Variants in VRK2 observed in about 807,000 individuals in gnomAD.
VRK2 encodes serine/threonine-protein kinase VRK2.
Under a neutral mutation model 57.6 loss-of-function variants are expected in VRK2, and 60 were observed. The observed-to-expected ratio is 1.04, with a 90% CI of 0.85 to 1.29. The LOEUF (loss-of-function observed/expected upper bound fraction) is 1.29, where lower values mean the gene tolerates loss of function less well. Ranked by LOEUF, VRK2 falls within the 50% of genes most tolerant of loss-of-function variation. The probability of loss-of-function intolerance (pLI) is 0.00; values close to 1 mark genes in which losing one functional copy is unlikely to be tolerated. For missense variants in VRK2, 705 were observed against 588.1 expected (o/e 1.20, Z -2.06); for synonymous variants, 231 against 199.2 (o/e 1.16, Z -1.35).
At chr2:58,132,123 C>A in intron 9 of VRK2, 195 bp downstream of exon 9, 1 of 583,036 alleles carries the variant, frequency 1.7e-6, no homozygotes, top group South Asian at 2.6e-5. Context: ...TGTAAAAAGA[C>A]ATGTATTTGA....
intron 1 of VRK2, among the ~76,000 whole-genome samples, chr2:57,975,758 C>CTT (rs1000042113): frequency 4.1e-5 from 6 of 145,374 alleles, no homozygotes; most frequent in African/African-American, 1.5e-4. Flanking sequence ...TTCTCTCTCT[C>CTT]TTTTTTTTTT....
chr2:58,143,397 T>G (rs1303172924), intron 11 of VRK2, among the ~76,000 whole-genome samples: 1 of 151,940 alleles, frequency 6.6e-6, no homozygotes, highest in Non-Finnish European at 1.5e-5. Flanking sequence ...GAGAAAAAGT[T>G]TCACTGTGTT....
intron 1 of VRK2, among the ~76,000 whole-genome samples, chr2:57,930,224 C>T (rs552920782): frequency 2.6e-5 from 4 of 152,260 alleles, no homozygotes; most frequent in East Asian, 1.9e-4. Flanking sequence ...AAAGGCTTAT[C>T]GGAACTCAGG....
intron 1 of VRK2, among the ~76,000 whole-genome samples, chr2:57,964,837 A>G (rs916703064): frequency 7.7e-6 from 1 of 130,052 alleles, no homozygotes; most frequent in East Asian, 2.6e-4. Context: ...TCAATATTGC[A>G]CCACTGCACT....
Position 57,910,577 on chromosome 2 carries a change from T to A in VRK2, c.-439+2738T>A, listed in dbSNP as rs140804452. On this transcript the variant is annotated intron_variant, in intron 1 of 15. Transcript: ENST00000417641. ...CTTCTCTATTTACTAAATATTTGAC[T>A]TTTTTATCATTTGTTTATCTGAATG... Among the ~76,000 whole-genome samples, 1,508 of 152,282 alleles carry A rather than the reference T, an allele frequency of 9.9e-3. 25 individuals carry two copies. Among genetic ancestry groups the A allele is most frequent in the African/African-American group, 0.034 (1,429 of 41,550 alleles).
At chr2:58,065,502 C>T (rs1668482598) in intron 2 of VRK2, among the ~76,000 whole-genome samples, 1 of 152,090 alleles carries the variant, frequency 6.6e-6, no homozygotes, top group African/African-American at 2.4e-5. Context: ...GAATGTATCA[C>T]AGTTTGTGTA....
intron 2 of VRK2, among the ~76,000 whole-genome samples, chr2:58,065,553 A>G (rs1488481925): frequency 6.6e-6 from 1 of 152,114 alleles, no homozygotes; most frequent in Admixed American, 6.6e-5. Flanking sequence ...GATTCCTTCA[A>G]CTTTTTCTTC....
At chr2:57,995,542 A>C (rs1672897817) in intron 1 of VRK2, among the ~76,000 whole-genome samples, 1 of 152,214 alleles carries the variant, frequency 6.6e-6, no homozygotes, top group Non-Finnish European at 1.5e-5. Flanking sequence ...ACAGTTTGTC[A>C]GTCATTCTTT....
intron 12 of VRK2, among the ~76,000 whole-genome samples, chr2:58,159,044 G>A (rs984105523): frequency 3.9e-5 from 6 of 152,026 alleles, no homozygotes; most frequent in African/African-American, 1.2e-4. Context: ...GTTTTGCCAA[G>A]AAAATTCAGT....
At chr2:58,115,514 A>G (rs1676305723) in intron 7 of VRK2, among the ~76,000 whole-genome samples, 1 of 151,660 alleles carries the variant, frequency 6.6e-6, no homozygotes, top group Non-Finnish European at 1.5e-5. Flanking sequence ...CTGCATGCAG[A>G]CATGAGGGCT....
At chr2:58,091,395 A>T (rs1287225482) in intron 7 of VRK2, among the ~76,000 whole-genome samples, 6 of 152,160 alleles carry the variant, frequency 3.9e-5, no homozygotes, top group Admixed American at 2.6e-4. Context: ...ACTTCTCTAA[A>T]AAATATAGTC....
chr2:58,002,383 C>T (rs1401440072), intron 1 of VRK2, among the ~76,000 whole-genome samples: 3 of 151,918 alleles, frequency 2.0e-5, no homozygotes. Flanking sequence ...GAGGCTGAGG[C>T]AGAATTGCTT....
intron 7 of VRK2, among the ~76,000 whole-genome samples, chr2:58,100,573 A>T (rs964254567): frequency 2.0e-5 from 3 of 151,778 alleles, no homozygotes; most frequent in African/African-American, 7.2e-5. Flanking sequence ...AGACTTTGGA[A>T]ATAGTTCCTG....
At chr2:57,910,225 G>C (rs1006904264) in intron 1 of VRK2, among the ~76,000 whole-genome samples, 3 of 152,060 alleles carry the variant, frequency 2.0e-5, no homozygotes, top group African/African-American at 7.2e-5. Context: ...AACAGCTCCA[G>C]ATAAATCCCT....
intron 1 of VRK2, among the ~76,000 whole-genome samples, chr2:57,984,506 T>C (rs965456981): frequency 1.3e-5 from 2 of 152,142 alleles, no homozygotes; most frequent in Non-Finnish European, 2.9e-5. Context: ...CTAAAAGGCA[T>C]TGTATTTTTA....
At chr2:58,153,650 T>C (rs1683371477) in intron 12 of VRK2, among the ~76,000 whole-genome samples, 1 of 152,158 alleles carries the variant, frequency 6.6e-6, no homozygotes, top group Non-Finnish European at 1.5e-5. Flanking sequence ...TCTGTGCTCA[T>C]GAGAGCTGAT....
intron 1 of VRK2, among the ~76,000 whole-genome samples, chr2:57,908,804 G>C (rs767009394): frequency 1.4e-4 from 22 of 152,102 alleles, no homozygotes; most frequent in Non-Finnish European, 2.5e-4. Context: ...AAGAATCCCT[G>C]AGCAGCTAAA....
intron 1 of VRK2, among the ~76,000 whole-genome samples, chr2:58,020,222 G>C (rs968970720): frequency 6.6e-6 from 1 of 152,128 alleles, no homozygotes; most frequent in African/African-American, 2.4e-5. Flanking sequence ...AAACTGTTTT[G>C]TTTTTAGAGA....
At chr2:58,155,252 A>G (rs1032579112) in intron 12 of VRK2, among the ~76,000 whole-genome samples, 4 of 152,052 alleles carry the variant, frequency 2.6e-5, no homozygotes, top group Non-Finnish European at 5.9e-5. Context: ...TGCGATGCCA[A>G]CTCTTTGCTG....
Sources: gnomAD v4.1 joint callset for allele counts (sites outside exome capture counted in the v4.1 genomes callset) on GRCh38, gnomAD v4.1.1 for gene constraint, MANE v1.5 for transcripts, NCBI Gene and HGNC (gene_info 2026-07-23, HGNC 2026-07-21) for gene names.